Variants in NINJ2 observed in about 807,000 individuals in gnomAD.
NINJ2 encodes ninjurin 2.
A neutral mutation model predicts 11.7 loss-of-function variants in NINJ2; 12 were observed. The observed-to-expected ratio is 1.02, with a 90% confidence interval of 0.66 to 1.66. The LOEUF (loss-of-function observed/expected upper bound fraction) is 1.66, where lower values mean the gene tolerates loss of function less well. Among genes scored for constraint, NINJ2 ranks in the 40% most tolerant of loss-of-function variants. NINJ2 has a pLI of 0.00. For missense variants in NINJ2, 187 were observed against 181.8 expected (o/e 1.03, Z -0.16); for synonymous variants, 93 against 76.8 (o/e 1.21, Z -1.10).
At chr12:619,041 T>A (rs76108532) in intron 1 of NINJ2, among the ~76,000 whole-genome samples, 11,955 of 152,260 alleles carry the variant, frequency 0.079, 626 homozygotes, top group East Asian at 0.16. Context: ...CCAGAACTTC[T>A]AAAGGTCACG....
Position 614,109 on chromosome 12 carries a change from G to A in NINJ2, c.34-47931C>T, listed in dbSNP as rs1359813278. On this transcript the variant is annotated intron_variant, in intron 1 of 3. Coordinates refer to ENST00000305108, the MANE Select transcript of NINJ2 (RefSeq NM_016533.6). This position sits in a 1 kb window ranked among gnomAD's most constrained non-coding sequence, Gnocchi z 5.1. ...AGGCCAAGCAGCTTGTCCATAGCACGTGGCTAGTAAGAACAGTCTCTTACA... is the reference window on the plus strand; with the variant it reads ...AGGCCAAGCAGCTTGTCCATAGCACATGGCTAGTAAGAACAGTCTCTTACA... 2.0e-5 allele frequency among the ~76,000 whole-genome samples: 3 copies of A among 152,036 alleles called. No individual in the cohort carries two copies. The highest frequency in any genetic ancestry group is 2.9e-5 in the Non-Finnish European group (2 of 68,012).
At chr12:569,563 C>T (rs1403682825) in intron 1 of NINJ2, among the ~76,000 whole-genome samples, 2 of 152,214 alleles carry the variant, frequency 1.3e-5, no homozygotes, top group Non-Finnish European at 2.9e-5. Context: ...CCCCTTCCCC[C>T]CAAATGTATC....
intron 1 of NINJ2, among the ~76,000 whole-genome samples, chr12:577,979 A>G (rs1394888369): frequency 6.6e-6 from 1 of 152,140 alleles, no homozygotes; most frequent in Non-Finnish European, 1.5e-5. Flanking sequence ...AAGAAGAAGT[A>G]AAAACTAAAA....
chr12:621,886 C>G (rs926535289), intron 1 of NINJ2, among the ~76,000 whole-genome samples: 5 of 151,736 alleles, frequency 3.3e-5, no homozygotes, highest in African/African-American at 1.2e-4. Flanking sequence ...GTAATCCCAG[C>G]ACTTTGGGAG....
At chr12:572,850 A>ATTTT (rs539715060) in intron 1 of NINJ2, among the ~76,000 whole-genome samples, 40 of 96,132 alleles carry the variant, frequency 4.2e-4, no homozygotes, top group East Asian at 1.5e-3. Context: ...AGAGCCTGTA[A>ATTTT]TTTTTTTTTT....
chr12:662,880 C>T (rs1275610833), intron 1 of NINJ2, among the ~76,000 whole-genome samples: 1 of 152,152 alleles, frequency 6.6e-6, no homozygotes, highest in Non-Finnish European at 1.5e-5. Context: ...AGCCGAGAAA[C>T]GGCTCAAGTT....
rs934276856 is a variant in NINJ2 at position 640,467 on chromosome 12, T to C, written c.33+22861A>G. 3.9e-5 allele frequency among the ~76,000 whole-genome samples: 6 copies of C among 152,240 alleles called. No homozygotes were observed. The highest frequency in any genetic ancestry group is 7.3e-5 in the Non-Finnish European group (5 of 68,040). ...CTTTAGTCCCAACTACAGTCATTAA[T>C]TCATCCCTGGTACTTGACTTCTATT... is the stretch of plus-strand genomic sequence containing the variant. On this transcript the variant is annotated intron_variant, in intron 1 of 3. Coordinates refer to ENST00000305108, the MANE Select transcript of NINJ2 (RefSeq NM_016533.6). This position sits in a 1 kb window ranked among gnomAD's most constrained non-coding sequence, Gnocchi z 4.0.
intron 1 of NINJ2, among the ~76,000 whole-genome samples, chr12:570,757 A>C (rs1225193282): frequency 6.6e-6 from 1 of 152,150 alleles, no homozygotes; most frequent in Non-Finnish European, 1.5e-5. Flanking sequence ...CCACAAGCGC[A>C]CAGGGCTCTG....
chr12:608,800 AAAG>A lies in NINJ2; in HGVS notation c.34-42625_34-42623del, dbSNP rs146956237. 4.4e-3 allele frequency among the ~76,000 whole-genome samples: 671 copies of A among 152,354 alleles called. 33 individuals carry two copies. The East Asian group carries it at 0.11, about 25-fold the overall frequency. On this transcript the variant is annotated intron_variant, in intron 1 of 3. Coordinates refer to ENST00000305108, the MANE Select transcript of NINJ2 (RefSeq NM_016533.6). ...CTACGTCCTGATGCTGCCACCTGGA[AAAG>A]AAGGACACTGATGCTGACTGAATGC...
intron 1 of NINJ2, among the ~76,000 whole-genome samples, chr12:571,954 G>A (rs115735640): frequency 1.6e-3 from 244 of 152,304 alleles, no homozygotes; most frequent in African/African-American, 5.7e-3. Context: ...GGGGCCTGTG[G>A]CAGGCAGTGT....
chr12:626,715 A>G lies in NINJ2; in HGVS notation c.33+36613T>C, dbSNP rs10735056. Among the ~76,000 whole-genome samples, 18 of 152,194 alleles carry G rather than the reference A, an allele frequency of 1.2e-4. 1 individual carries two copies. The South Asian group carries it at 3.7e-3, about 32-fold the overall frequency. On this transcript the variant is annotated intron_variant, in intron 1 of 3. Transcript: ENST00000305108. Reference sequence around the variant, plus strand: ...GACACGAGGCAGTCAACCTTTCTGCACCTTAGTTTCCTTATCTCTAAAGTA... The same window carrying G: ...GACACGAGGCAGTCAACCTTTCTGCGCCTTAGTTTCCTTATCTCTAAAGTA...
intron 1 of NINJ2, among the ~76,000 whole-genome samples, chr12:601,485 T>C (rs538537518): frequency 4.0e-5 from 6 of 151,364 alleles, no homozygotes; most frequent in East Asian, 3.9e-4. Context: ...GAGGCGGAGC[T>C]TACAGTGAGC....
chr12:639,861 C>T (rs557163286), intron 1 of NINJ2, among the ~76,000 whole-genome samples: 14 of 152,304 alleles, frequency 9.2e-5, no homozygotes, highest in Non-Finnish European at 1.9e-4. Flanking sequence ...GGGGTAGACC[C>T]GCTAACTTTT....
chr12:582,292 C>T (rs533964540), intron 1 of NINJ2, among the ~76,000 whole-genome samples: 19 of 99,244 alleles, frequency 1.9e-4, no homozygotes, highest in Middle Eastern at 5.2e-3. Flanking sequence ...AATGAATGGA[C>T]GCAGGCAGGC....
intron 1 of NINJ2, among the ~76,000 whole-genome samples, chr12:654,784 C>T (rs1266481508): frequency 4.6e-5 from 7 of 151,192 alleles, no homozygotes; most frequent in African/African-American, 9.7e-5. Flanking sequence ...CTCAGCTGCT[C>T]GGGAGGCTGA....
At chr12:592,630 G>T (rs929578295) in intron 1 of NINJ2, among the ~76,000 whole-genome samples, 15 of 152,182 alleles carry the variant, frequency 9.9e-5, no homozygotes. Flanking sequence ...AACCCAGGAG[G>T]TGGAGGTTGC....
At position 566,012 on chromosome 12, in the gene NINJ2, A is replaced by G. The variant is rs1424552802; in HGVS notation, c.200T>C (p.Val67Ala). The change falls in exon 2 of 4, where the codon GTC becomes GCC. Residue 67 changes from valine to alanine, a missense_variant. By Grantham distance (64) the Val-to-Ala change is moderately conservative. Transcript: ENST00000305108. ...GPSSHYYTTL[V>A]TLISLSLLLQ... ...GAGCAGAGAGAGGCTGATGAGGGTGACCAGGGTGGTGTAGTAGTGAGAGGA... is the reference window on the plus strand; with the variant it reads ...GAGCAGAGAGAGGCTGATGAGGGTGGCCAGGGTGGTGTAGTAGTGAGAGGA... 1 of 1,614,194 alleles carries G rather than the reference A, an allele frequency of 6.2e-7. No individual in the cohort carries two copies. The highest frequency in any genetic ancestry group is 1.1e-5 in the South Asian group (1 of 91,074).
intron 1 of NINJ2, among the ~76,000 whole-genome samples, chr12:653,820 T>C (rs1050181495): frequency 6.6e-6 from 1 of 152,134 alleles, no homozygotes; most frequent in Non-Finnish European, 1.5e-5. Flanking sequence ...AAGTGCATAA[T>C]TGAAAGGCAG....
chr12:566,876 C>T (rs953276787), intron 1 of NINJ2, among the ~76,000 whole-genome samples: 2 of 152,126 alleles, frequency 1.3e-5, no homozygotes, highest in Non-Finnish European at 2.9e-5. Flanking sequence ...AAAGCTTCTC[C>T]AGAAGCCACT....
Sources: allele counts gnomAD v4.1 joint callset (sites outside exome capture counted in the v4.1 genomes callset), GRCh38; gene constraint gnomAD v4.1.1; non-coding constraint Gnocchi (gnomAD v3.1); transcripts MANE v1.5; gene names NCBI Gene and HGNC (gene_info 2026-07-23, HGNC 2026-07-21).